The following GDPD3 variants were observed in gnomAD, a reference collection of about 807,000 sequenced individuals.
GDPD3 encodes lysophospholipase D GDPD3.
Under a neutral mutation model 43.7 loss-of-function variants are expected in GDPD3, and 40 were observed. The ratio of observed to expected loss-of-function variants is 0.91; its 90% CI spans 0.71 to 1.19. The LOEUF is 1.19. GDPD3 is among the 50% of genes most tolerant of loss of function. The pLI, the probability that GDPD3 is intolerant of heterozygous loss-of-function variation, is 0.00. For synonymous variants in GDPD3, 145 were observed against 162.9 expected, an observed-to-expected ratio of 0.89 and a Z score of 0.84; for missense variants, 363 against 415.8, an observed-to-expected ratio of 0.87 and a Z score of 1.11.
In GDPD3 at chr16:30,113,073, G is replaced by A. The variant is rs1326562976; in HGVS notation, c.140-9C>T. 9.9e-6 allele frequency: 16 copies of A among 1,612,602 alleles called. No homozygotes were observed. Among genetic ancestry groups the A allele is most frequent in the Non-Finnish European group, 1.4e-5 (16 of 1,179,094 alleles). ...CAGCAGCTCTCCAGATCCTGTGGGG[G>A]GCACTGGAGTGGGCCTCTGGGGCTT... On this transcript the variant is annotated splice_polypyrimidine_tract_variant and intron_variant, in intron 1 of 9. Coordinates refer to ENST00000406256, the MANE Select transcript of GDPD3 (RefSeq NM_024307.3). This position sits in a 1 kb window ranked among gnomAD's most constrained non-coding sequence, Gnocchi z 5.9.
chr16:30,108,219 C>T lies in GDPD3; in HGVS notation c.813G>A (p.Gly271=). The change falls in exon 9 of 10, where the codon GGG becomes GGA. Residue 271 remains glycine (G), a synonymous_variant. Transcript: ENST00000406256. ...KSLIRHLEER[G]VQVVFWCLNE... ...GTGGTGGTCACGGCCTCACCTGCAC[C>T]CCTCGCTCCTCCAAGTGTCGGATCA... is the stretch of plus-strand genomic sequence containing the variant. 1 of 1,601,170 alleles carries T rather than the reference C, an allele frequency of 6.2e-7. No individual in the cohort carries two copies. Among genetic ancestry groups the T allele is most frequent in the Non-Finnish European group, 8.5e-7 (1 of 1,172,606 alleles).
rs774161542 is a variant in GDPD3 at position 30,108,399 on chromosome 16, GT to G, written c.740del (p.Asn247ThrfsTer11). ...ATTTCGAAACCACAGCCAATAACTG[GT>G]TCAGGCAAGAGCAGGAAAATGGGAA... ...TYFPFSCSCLNQLLAVVSKWL... is the reference protein window; with the variant it reads ...TYFPFSCSCLXQLLAVVSKWL... On this transcript the variant is annotated frameshift_variant, in exon 8 of 10. Transcript: ENST00000406256. LOFTEE classifies it high-confidence loss of function. The G allele has an allele frequency of 7.4e-6, 12 of 1,614,042 alleles. No homozygotes were observed. In the East Asian group the frequency reaches 2.7e-4, roughly 36 times the overall value.
In GDPD3 at chr16:30,107,986, G is replaced by GACACACACAC. The variant is rs113091799; in HGVS notation, c.819+217_819+226dup. ...GCCTGGGTGACAGAGTGAGACTCTT[G>GACACACACAC]ACACACACACACACACACACACACA... On this transcript the variant is annotated intron_variant, in intron 9 of 9. Coordinates refer to ENST00000406256, the MANE Select transcript of GDPD3 (RefSeq NM_024307.3). The GACACACACAC allele has an allele frequency of 3.3e-4, 89 of 269,284 alleles. 1 individual carries two copies. The highest frequency in any genetic ancestry group is 1.6e-3 in the African/African-American group (69 of 41,974). The allele number at this position is 269,284 out of a possible 1,614,324, so 16.7% of individuals were successfully genotyped here.
At position 30,109,073 on chromosome 16, in the gene GDPD3, G is replaced by A. The variant is rs960279984; in HGVS notation, c.708-641C>T. Among the ~76,000 whole-genome samples, 148 of 152,072 alleles carry A rather than the reference G, an allele frequency of 9.7e-4. 2 individuals carry two copies. Among genetic ancestry groups the A allele is most frequent in the Non-Finnish European group, 1.6e-3 (109 of 67,978 alleles). ...TCTCGATCTCCTGACTTTGTGATCC[G>A]CCCGCCTTGGCCTCCCAAAGTGCTG... On this transcript the variant is annotated intron_variant, in intron 7 of 9. Transcript: ENST00000406256.
At position 30,113,278 on chromosome 16, in the gene GDPD3, C is replaced by T. The variant is rs1398417257; in HGVS notation, c.139+62G>A. The T allele has an allele frequency of 1.9e-6, 3 of 1,540,336 alleles. No individual in the cohort carries two copies. The highest frequency in any genetic ancestry group is 2.6e-6 in the Non-Finnish European group (3 of 1,139,918). On this transcript the variant is annotated intron_variant, in intron 1 of 9. Coordinates refer to ENST00000406256, the MANE Select transcript of GDPD3 (RefSeq NM_024307.3). The surrounding 1 kb of genome is among the most constrained non-coding windows in gnomAD (Gnocchi z 5.9). Reference sequence around the variant, plus strand: ...TCCCTGCCCCGTTTCTAGCATGCCCCCTTGGACCTACCCCTCTGTGCTGTC... The same window carrying T: ...TCCCTGCCCCGTTTCTAGCATGCCCTCTTGGACCTACCCCTCTGTGCTGTC...
chr16:30,109,279 C>T (rs1022988907), intron 7 of GDPD3, among the ~76,000 whole-genome samples: 1 of 152,170 alleles, frequency 6.6e-6, no homozygotes, highest in Non-Finnish European at 1.5e-5. Flanking sequence ...CACCTGTAAT[C>T]GCAGCACTTT....
rs2072875066 is a variant in GDPD3 at position 30,108,361 on chromosome 16, T to G, written c.767+12A>C. ...ATGGGGACACGCCACCCAGCCATCT[T>G]GCCCACCTCACCATTTCGAAACCAC... On this transcript the variant is annotated intron_variant, in intron 8 of 9. Coordinates refer to ENST00000406256, the MANE Select transcript of GDPD3 (RefSeq NM_024307.3). The G allele has an allele frequency of 1.2e-6, 2 of 1,613,868 alleles. No homozygotes were observed. Among genetic ancestry groups the G allele is most frequent in the Admixed American group, 3.3e-5 (2 of 59,972 alleles).
At chr16:30,107,818 C>T (rs142471176) in intron 9 of GDPD3, 26 of 158,300 alleles carry the variant, frequency 1.6e-4, no homozygotes, top group Non-Finnish European at 3.3e-4. Context: ...GGTGCAACCC[C>T]GTCTCTACTA....
chr16:30,108,293 G>A, intron 8 of GDPD3, 29 bp from the exon 9 acceptor site: 1 of 1,612,888 alleles, frequency 6.2e-7, no homozygotes, highest in Non-Finnish European at 8.5e-7. Context: ...CGTGGGAGGT[G>A]ATGATGAGAG....
At position 30,104,939 on chromosome 16, in the gene GDPD3, A is replaced by G. The variant is rs538193424; in HGVS notation, c.890T>C (p.Ile297Thr). Reference protein sequence around the residue: ...AAFSVGATGVITDYPTALRHY... With the variant: ...AAFSVGATGVTTDYPTALRHY... ...CCGCAGGGCTGTGGGATAATCCGTT[A>G]TGACGCCAGTGGCTCCCACGCTGAA... The change falls in exon 10 of 10, where the codon ATA becomes ACA. Residue 297 changes from isoleucine (I) to threonine (T), a missense_variant. Ile to Thr is a moderately conservative substitution (Grantham distance 89, BLOSUM62 -1). Coordinates refer to ENST00000406256, the MANE Select transcript of GDPD3 (RefSeq NM_024307.3). The G allele has an allele frequency of 6.2e-7, 1 of 1,612,916 alleles. No homozygotes were observed. Among genetic ancestry groups the G allele is most frequent in the African/African-American group, 1.3e-5 (1 of 75,002 alleles).
chr16:30,112,496 GGCAGGGCTCGA>G lies in GDPD3; in HGVS notation c.364+16_364+26del. On this transcript the variant is annotated intron_variant, in intron 4 of 9. Transcript: ENST00000406256. The surrounding 1 kb of genome is among the most constrained non-coding windows in gnomAD (Gnocchi z 5.4). ...GTCCAAGGAAGGCAGGCATGGCCCA[GGCAGGGCTCGA>G]AGCCCTTGCTCTCACCTGGAGAGAA... The G allele has an allele frequency of 6.2e-7, 1 of 1,614,100 alleles. No homozygotes were observed. The highest frequency in any genetic ancestry group is 8.5e-7 in the Non-Finnish European group (1 of 1,179,952).
intron 9 of GDPD3, among the ~76,000 whole-genome samples, chr16:30,106,768 G>A (rs1204455270): frequency 2.0e-5 from 3 of 151,952 alleles, no homozygotes; most frequent in South Asian, 2.1e-4. Context: ...GTGCAGTGGC[G>A]TGATCTCGGC....
At chr16:30,106,356 A>G (rs1321897922) in intron 9 of GDPD3, among the ~76,000 whole-genome samples, 1 of 152,010 alleles carries the variant, frequency 6.6e-6, no homozygotes. Context: ...AAACCAGGAA[A>G]ATTAATCCTC....
intron 9 of GDPD3, among the ~76,000 whole-genome samples, chr16:30,106,487 C>A (rs556019074): frequency 3.0e-4 from 45 of 152,276 alleles, no homozygotes; most frequent in African/African-American, 1.1e-3. Flanking sequence ...CTGCCCCTTC[C>A]CTGCCCGTTG....
At chr16:30,110,300 G>A (rs544706491) in intron 7 of GDPD3, among the ~76,000 whole-genome samples, 12 of 151,822 alleles carry the variant, frequency 7.9e-5, no homozygotes, top group South Asian at 2.1e-4. Flanking sequence ...GTGTGGTGGC[G>A]GGCGCCTGTA....
chr16:30,108,347 C>T, intron 8 of GDPD3, 26 bp downstream of exon 8: 1 of 1,613,748 alleles, frequency 6.2e-7, no homozygotes, highest in Non-Finnish European at 8.5e-7. Flanking sequence ...TGGGGACACG[C>T]CACCCAGCCA....
Position 30,112,013 on chromosome 16 carries a change from G to A in GDPD3, c.573+119C>T, listed in dbSNP as rs754308661. 4.3e-5 allele frequency: 31 copies of A among 717,674 alleles called. No homozygotes were observed. Among genetic ancestry groups the A allele is most frequent in the South Asian group, 3.6e-4 (22 of 61,372 alleles). The allele number at this position is 717,674 out of a possible 1,614,324, so 44.5% of individuals were successfully genotyped here. On this transcript the variant is annotated intron_variant, in intron 6 of 9. Coordinates refer to ENST00000406256, the MANE Select transcript of GDPD3 (RefSeq NM_024307.3). This position sits in a 1 kb window ranked among gnomAD's most constrained non-coding sequence, Gnocchi z 5.4. ...ACACCCTTTTCATTGCCACCGCCAC[G>A]CCACTGGGAACTCTCCCAGACCCCT...
chr16:30,105,609 A>G (rs2151039162), intron 9 of GDPD3, among the ~76,000 whole-genome samples: 1 of 151,046 alleles, frequency 6.6e-6, no homozygotes, highest in South Asian at 2.1e-4. Flanking sequence ...GGTTCACACC[A>G]TTCTCCTGTC....
chr16:30,107,872 C>A (rs945656624), intron 9 of GDPD3: 11 of 169,846 alleles, frequency 6.5e-5, no homozygotes, highest in Non-Finnish European at 5.0e-5. Context: ...CACCTGTAGT[C>A]CCAGCTACTG....
Sources: gnomAD v4.1 joint callset for allele counts (sites outside exome capture counted in the v4.1 genomes callset) on GRCh38, gnomAD v4.1.1 for gene constraint, Gnocchi (gnomAD v3.1) non-coding constraint, MANE v1.5 for transcripts, NCBI Gene and HGNC (gene_info 2026-07-23, HGNC 2026-07-21) for gene names.